GMIP: variants seen among roughly 807,000 people sequenced by gnomAD.
The protein encoded by GMIP is GEM-interacting protein.
Under a neutral mutation model 105.3 loss-of-function variants are expected in GMIP, and 54 were observed. The observed-to-expected ratio is 0.51, with a 90% CI of 0.41 to 0.64. GMIP has a LOEUF of 0.64. Ranked by LOEUF, GMIP falls within the 30% of genes least tolerant of loss-of-function variation. The pLI is 0.00. For synonymous variants in GMIP, 541 were observed against 560.8 expected, an observed-to-expected ratio of 0.96 and a Z score of 0.50; for missense variants, 1,110 against 1,319.4, an observed-to-expected ratio of 0.84 and a Z score of 2.46.
chr19:19,642,689 C>G, intron 1 of GMIP, 70 bp from the exon 2 acceptor site: 1 of 672,590 alleles, frequency 1.5e-6, no homozygotes, highest in Non-Finnish European at 2.7e-6. Flanking sequence ...CAACCAGTCT[C>G]ATTTGGAGGG....
intron 7 of GMIP, among the ~76,000 whole-genome samples, chr19:19,638,778 CTT>C (rs554304896): frequency 4.5e-4 from 60 of 132,166 alleles, no homozygotes; most frequent in Admixed American, 6.9e-4. Context: ...ACAATTTCTT[CTT>C]TTTTTTTTTT....
Position 19,634,435 on chromosome 19 carries a change from C to A in GMIP, c.2084+72G>T, listed in dbSNP as rs1029422870. On this transcript the variant is annotated intron_variant, in intron 18 of 20. Coordinates refer to ENST00000203556, the MANE Select transcript of GMIP (RefSeq NM_016573.4). The surrounding 1 kb of genome is among the most constrained non-coding windows in gnomAD (Gnocchi z 6.1). Reference sequence around the variant, plus strand: ...AAGGTCAGAGGTCAGTGTCAGGGGTCAGCCAGGGAAGTTAGTAGTCGCATG... The same window carrying A: ...AAGGTCAGAGGTCAGTGTCAGGGGTAAGCCAGGGAAGTTAGTAGTCGCATG... The A allele has an allele frequency of 1.6e-5, 21 of 1,305,786 alleles. No individual in the cohort carries two copies. The highest frequency in any genetic ancestry group is 2.3e-5 in the Non-Finnish European group (21 of 922,874). The allele number at this position is 1,305,786 out of a possible 1,614,324, so 80.9% of individuals were successfully genotyped here. A position where few individuals can be genotyped will look rare whatever the true frequency, so the allele number is the denominator to read the frequency against.
At chr19:19,640,422 G>A in intron 5 of GMIP, 24 bp downstream of exon 5, 1 of 1,614,104 alleles carries the variant, frequency 6.2e-7, no homozygotes, top group Non-Finnish European at 8.5e-7. Context: ...CTGGTAACTG[G>A]GGCTGGGCGG....
chr19:19,636,860 ATG>A (rs142042052), intron 12 of GMIP, 55 bp downstream of exon 12: 57,100 of 1,558,108 alleles, frequency 0.037, 1,309 homozygotes, highest in Non-Finnish European at 0.043. Flanking sequence ...CAGCCCACCT[ATG>A]TGTTGGTGGA....
At position 19,630,249 on chromosome 19, in the gene GMIP, C is replaced by T. The variant is rs199861108; in HGVS notation, c.2627G>A (p.Gly876Asp). 91 of 1,577,056 alleles carry T rather than the reference C, an allele frequency of 5.8e-5. No homozygotes were observed. The highest frequency in any genetic ancestry group is 7.3e-5 in the Non-Finnish European group (85 of 1,158,494). ...SRQPVKYPRGGVRPVTHQLSS... is the reference protein window; with the variant it reads ...SRQPVKYPRGDVRPVTHQLSS... ...CAGCTGGTGGGTTACAGGCCTCACA[C>T]CGCCCCGGGGATACTTCACTGGCTG... The change falls in exon 21 of 21, where the codon GGT becomes GAT. Residue 876 changes from glycine (G) to aspartate (D), a missense_variant. Physicochemically the swap from Gly to Asp is moderately conservative, Grantham distance 94. Around this residue, in one of 3 missense-constraint regions of GMIP, gnomAD observed 394 missense variants for 450.5 expected, o/e 0.87. Coordinates refer to ENST00000203556, the MANE Select transcript of GMIP (RefSeq NM_016573.4). This position sits in a 1 kb window ranked among gnomAD's most constrained non-coding sequence, Gnocchi z 4.8.
Position 19,636,321 on chromosome 19 carries a change from G to A in GMIP, c.1327+386C>T, listed in dbSNP as rs189273345. 7.6e-3 allele frequency among the ~76,000 whole-genome samples: 1,149 copies of A among 152,066 alleles called. 15 individuals carry two copies. The highest frequency in any genetic ancestry group is 0.027 in the African/African-American group (1,103 of 41,482). On this transcript the variant is annotated intron_variant, in intron 13 of 20. Coordinates refer to ENST00000203556, the MANE Select transcript of GMIP (RefSeq NM_016573.4). ...GTGGATCACCTGAGGTCAGGAGTTC[G>A]AGATCAGCCTGGCCAACATGGTGAA...
rs1452219941 is a variant in GMIP, at chr19:19,630,200, G to A, written c.2676C>T (p.Ser892=). 6.2e-7 allele frequency: 1 copy of A among 1,600,308 alleles called. No homozygotes were observed. Among genetic ancestry groups the A allele is most frequent in the South Asian group, 1.1e-5 (1 of 90,150 alleles). Residue 892 remains serine (S), a synonymous_variant, in exon 21 of 21, where the codon TCC becomes TCT. Transcript: ENST00000203556. The surrounding 1 kb of genome is among the most constrained non-coding windows in gnomAD (Gnocchi z 4.8). ...HQLSSLALVA[S]KLCEETPITS... ...TGATGGGGGTCTCCTCGCACAGCTT[G>A]GAAGCCACCAGGGCCAGACTGGACA... is the stretch of plus-strand genomic sequence containing the variant.
In GMIP at chr19:19,638,149, G is replaced by A. The variant is rs758077208; in HGVS notation, c.789+10C>T. ...CACAGCGCTACAGGGGCTCGGGGCC[G>A]GGTGCCCACCTTGGCCTGGGCCTCC... On this transcript the variant is annotated intron_variant, in intron 9 of 20. Transcript: ENST00000203556. 1.9e-6 allele frequency: 3 copies of A among 1,577,522 alleles called. No individual in the cohort carries two copies. The highest frequency in any genetic ancestry group is 2.7e-5 in the African/African-American group (2 of 74,412).
At chr19:19,639,471 C>T (rs1319496504) in intron 7 of GMIP, among the ~76,000 whole-genome samples, 1 of 151,988 alleles carries the variant, frequency 6.6e-6, no homozygotes, top group Non-Finnish European at 1.5e-5. Context: ...ATGTAGTCAC[C>T]CCATCCTTTC....
In GMIP at chr19:19,635,717, A is replaced by G; in HGVS notation, c.1332T>C (p.Ala444=). The change falls in exon 14 of 21, where the codon GCT becomes GCC. Residue 444 remains alanine, a synonymous_variant. Coordinates refer to ENST00000203556, the MANE Select transcript of GMIP (RefSeq NM_016573.4). This position sits in a 1 kb window ranked among gnomAD's most constrained non-coding sequence, Gnocchi z 4.7. ...AAGCCTTCACCAGCTGCCTCGTGCC[A>G]GCGCCTGGGGTCAGAGGAATCATGG... ...SLDSPTSSPG[A]GTRQLVKASS... 3.1e-6 allele frequency: 5 copies of G among 1,613,878 alleles called. No individual in the cohort carries two copies. Among genetic ancestry groups the G allele is most frequent in the Non-Finnish European group, 4.2e-6 (5 of 1,179,796 alleles).
rs1031536248 is a variant in GMIP, at chr19:19,638,336, G to C, written c.619-7C>G. 6.2e-7 allele frequency: 1 copy of C among 1,613,962 alleles called. No individual in the cohort carries two copies. The highest frequency in any genetic ancestry group is 1.7e-5 in the Admixed American group (1 of 59,994). ...GTGCCTGCACCGCCTCATTCTGGGG[G>C]ATGATGAGAAGGTCAGCGTCCCGGC... On this transcript the variant is annotated splice_region_variant and splice_polypyrimidine_tract_variant and intron_variant, in intron 8 of 20. Coordinates refer to ENST00000203556, the MANE Select transcript of GMIP (RefSeq NM_016573.4).
At position 19,634,933 on chromosome 19, in the gene GMIP, C is replaced by G; in HGVS notation, c.1750-4G>C. ...ACCCGCTGACCCGGTAAATGCCCTGCAGGGTGAGGGTGAAAAACAGACACC... is the reference window on the plus strand; with the variant it reads ...ACCCGCTGACCCGGTAAATGCCCTGGAGGGTGAGGGTGAAAAACAGACACC... On this transcript the variant is annotated splice_polypyrimidine_tract_variant and splice_region_variant and intron_variant, in intron 16 of 20. Transcript: ENST00000203556. This position sits in a 1 kb window ranked among gnomAD's most constrained non-coding sequence, Gnocchi z 6.1. 1.9e-6 allele frequency: 3 copies of G among 1,613,998 alleles called. No individual in the cohort carries two copies. Among genetic ancestry groups the G allele is most frequent in the Non-Finnish European group, 2.5e-6 (3 of 1,180,022 alleles).
At chr19:19,640,019 G>T (rs1460927434) in intron 7 of GMIP, 66 bp downstream of exon 7, 7 of 872,448 alleles carry the variant, frequency 8.0e-6, no homozygotes, top group Non-Finnish European at 1.3e-5. Flanking sequence ...GAAACGAGGG[G>T]ATCAGGCCTG....
intron 19 of GMIP, among the ~76,000 whole-genome samples, chr19:19,632,649 A>G (rs1393521572): frequency 6.6e-6 from 1 of 152,190 alleles, no homozygotes; most frequent in African/African-American, 2.4e-5. Flanking sequence ...ACCTCTCAGG[A>G]CTGTGGAGAG....
In GMIP at chr19:19,630,490, G is replaced by T; in HGVS notation, c.2520C>A (p.Thr840=). The change falls in exon 20 of 21, where the codon ACC becomes ACA. Residue 840 remains threonine, a synonymous_variant. Coordinates refer to ENST00000203556, the MANE Select transcript of GMIP (RefSeq NM_016573.4). The surrounding 1 kb of genome is among the most constrained non-coding windows in gnomAD (Gnocchi z 4.8). ...ACTCACCTTCCCCTCCCCCATCTTTGGTGTCTTCAGCCACGTCCTCTCTCT... is the reference window on the plus strand; with the variant it reads ...ACTCACCTTCCCCTCCCCCATCTTTTGTGTCTTCAGCCACGTCCTCTCTCT... The part of the protein sequence containing the change: ...SDQREDVAED[T]KDGGGEVSSQ... 6.2e-7 allele frequency: 1 copy of T among 1,613,954 alleles called. No homozygotes were observed. Among genetic ancestry groups the T allele is most frequent in the Non-Finnish European group, 8.5e-7 (1 of 1,179,920 alleles).
chr19:19,633,059 CT>C (rs34310969), intron 19 of GMIP, among the ~76,000 whole-genome samples: 1,485 of 139,892 alleles, frequency 0.011, 14 homozygotes, highest in African/African-American at 0.032. Context: ...TCTTACTCCA[CT>C]TTTTTTTTTT....
In GMIP at chr19:19,641,973, C is replaced by T. The variant is rs763669999; in HGVS notation, c.180+3G>A. ...CCTCCCTGTTCCCCTACTCCCCACT[C>T]ACAACAGTGGCTGTAGGGGTCTTGT... On this transcript the variant is annotated splice_donor_region_variant and intron_variant, in intron 3 of 20. Transcript: ENST00000203556. The T allele has an allele frequency of 1.9e-6, 3 of 1,611,142 alleles. No individual in the cohort carries two copies. In the Admixed American group the frequency reaches 5.0e-5, roughly 27 times the overall value.
At chr19:19,631,503 A>C (rs1017174283) in intron 19 of GMIP, among the ~76,000 whole-genome samples, 3 of 152,206 alleles carry the variant, frequency 2.0e-5, no homozygotes, top group Non-Finnish European at 2.9e-5. Context: ...CCCACAGTTC[A>C]CCAGCAGCCG....
chr19:19,637,459 G>C lies in GMIP; in HGVS notation c.1030C>G (p.Arg344Gly). ...ECCAPFEPGQ[R>G]YQEFVRALRP... ...AGCGCCCGTACAAACTCCTGGTAGC[G>C]CTGGCCCGGCTCAAAGGGCGCACAG... The change falls in exon 11 of 21, where the codon CGC becomes GGC. Residue 344 changes from arginine to glycine, a missense_variant. Transcript: ENST00000203556. The surrounding 1 kb of genome is among the most constrained non-coding windows in gnomAD (Gnocchi z 6.7). The C allele has an allele frequency of 1.3e-6, 2 of 1,530,220 alleles. No homozygotes were observed. Among genetic ancestry groups the C allele is most frequent in the Non-Finnish European group, 1.8e-6 (2 of 1,140,474 alleles). The allele number at this position is 1,530,220 out of a possible 1,614,324, so 94.8% of individuals were successfully genotyped here.
Sources: allele counts gnomAD v4.1 joint callset (sites outside exome capture counted in the v4.1 genomes callset), GRCh38; gene constraint gnomAD v4.1.1; regional missense constraint gnomAD v4.1.1; non-coding constraint Gnocchi (gnomAD v3.1); transcripts MANE v1.5; gene names NCBI Gene and HGNC (gene_info 2026-07-23, HGNC 2026-07-21).